Variants in RBMS3 observed in about 807,000 individuals in gnomAD.
RBMS3 encodes the protein RNA binding motif single stranded interacting protein 3.
Under a neutral mutation model 66.8 loss-of-function variants are expected in RBMS3, and 27 were observed. That is an observed-to-expected ratio of 0.40 (90% CI 0.30 to 0.56). The LOEUF is 0.56. Ranked by LOEUF, RBMS3 falls within the 20% of genes least tolerant of loss-of-function variation. The probability of loss-of-function intolerance (pLI) is 0.40; values close to 1 mark genes in which losing one functional copy is unlikely to be tolerated. For missense variants in RBMS3, 513 were observed against 549.5 expected, an observed-to-expected ratio of 0.93 and a Z score of 0.66; for synonymous variants, 188 against 183.0, an observed-to-expected ratio of 1.03 and a Z score of -0.22.
At position 29,868,871 on chromosome 3, in the gene RBMS3, T is replaced by A. The variant is rs1322367916; in HGVS notation, c.651T>A (p.Pro217=). 8 of 1,598,976 alleles carry A rather than the reference T, an allele frequency of 5.0e-6. No homozygotes were observed. In the South Asian group the frequency reaches 7.9e-5, roughly 16 times the overall value. ...TTATCTTCCCAGCCCCCAGTGAGCC[T>A]TTGCTGTGCAAATTCGCTGATGGAG... The part of the protein sequence containing the change: ...TPPGIPAPSE[P]LLCKFADGGQ... The change falls in exon 7 of 15, where the codon CCT becomes CCA. Residue 217 remains proline (P), a synonymous_variant. Transcript: ENST00000383767.
chr3:29,839,958 A>G (rs549352895), intron 6 of RBMS3, among the ~76,000 whole-genome samples: 5 of 152,178 alleles, frequency 3.3e-5, no homozygotes, highest in South Asian at 4.1e-4. Flanking sequence ...CCAGTTACCT[A>G]TCACTATTGA....
At chr3:29,442,434 T>C (rs567646909) in intron 2 of RBMS3, among the ~76,000 whole-genome samples, 2 of 152,226 alleles carry the variant, frequency 1.3e-5, no homozygotes, top group Non-Finnish European at 2.9e-5. Flanking sequence ...GCCGATGATA[T>C]TTTTCCATAT....
In RBMS3 at chr3:29,988,131, G is replaced by C; in HGVS notation, c.1099-12G>C. ...TCAAAGTTCACATGCATTTTTCTTT[G>C]ATTCTCTCTAGTATATGACTGCTGC... On this transcript the variant is annotated splice_polypyrimidine_tract_variant and intron_variant, in intron 12 of 14. Coordinates refer to ENST00000383767, the MANE Select transcript of RBMS3 (RefSeq NM_001003793.3). 6.2e-7 allele frequency: 1 copy of C among 1,602,600 alleles called. No individual in the cohort carries two copies. Among genetic ancestry groups the C allele is most frequent in the Non-Finnish European group, 8.5e-7 (1 of 1,170,038 alleles).
At chr3:29,993,231 C>T (rs1285083826) in intron 14 of RBMS3, among the ~76,000 whole-genome samples, 1 of 152,132 alleles carries the variant, frequency 6.6e-6, no homozygotes, top group Non-Finnish European at 1.5e-5. Flanking sequence ...TTGACATAGC[C>T]TGTGTGAATC....
intron 2 of RBMS3, among the ~76,000 whole-genome samples, chr3:29,455,368 A>T (rs935721276): frequency 6.6e-6 from 1 of 152,198 alleles, no homozygotes; most frequent in Admixed American, 6.5e-5. Flanking sequence ...AGTACATTTA[A>T]AGTTTGAAAT....
At chr3:29,286,314 C>A (rs967143383) in intron 1 of RBMS3, among the ~76,000 whole-genome samples, 1 of 151,500 alleles carries the variant, frequency 6.6e-6, no homozygotes, top group African/African-American at 2.4e-5. Flanking sequence ...TTTCTTAACT[C>A]CCCCAAGCCT....
At chr3:29,832,937 C>T (rs986277114) in intron 6 of RBMS3, among the ~76,000 whole-genome samples, 1 of 152,198 alleles carries the variant, frequency 6.6e-6, no homozygotes, top group East Asian at 1.9e-4. Context: ...ACTCAGACAC[C>T]AAGCATGACT....
chr3:29,703,443 C>A (rs2052724823), intron 4 of RBMS3, among the ~76,000 whole-genome samples: 1 of 152,128 alleles, frequency 6.6e-6, no homozygotes, highest in African/African-American at 2.4e-5. Context: ...TTAATGAATG[C>A]TATTTAAGGA....
intron 6 of RBMS3, among the ~76,000 whole-genome samples, chr3:29,809,858 G>T (rs1323659111): frequency 6.6e-6 from 1 of 151,868 alleles, no homozygotes; most frequent in African/African-American, 2.4e-5. Flanking sequence ...TTAGAGGAAG[G>T]AAAAAAATCA....
intron 1 of RBMS3, among the ~76,000 whole-genome samples, chr3:29,306,046 C>G (rs916847427): frequency 4.6e-5 from 7 of 151,934 alleles, no homozygotes; most frequent in African/African-American, 1.7e-4. Context: ...CACTCCCATG[C>G]CCATCTGTTG....
intron 3 of RBMS3, among the ~76,000 whole-genome samples, chr3:29,569,583 C>A (rs1047537236): frequency 2.0e-5 from 3 of 151,928 alleles, no homozygotes; most frequent in African/African-American, 7.3e-5. Flanking sequence ...GAGATGGATC[C>A]AACTTAATTA....
intron 1 of RBMS3, among the ~76,000 whole-genome samples, chr3:29,432,258 G>C (rs745821491): frequency 6.6e-6 from 1 of 152,184 alleles, no homozygotes; most frequent in African/African-American, 2.4e-5. Context: ...CTAACACCAA[G>C]TTTTCTAGCA....
At chr3:29,356,592 T>C (rs1287252764) in intron 1 of RBMS3, among the ~76,000 whole-genome samples, 2 of 152,310 alleles carry the variant, frequency 1.3e-5, no homozygotes, top group South Asian at 2.1e-4. Flanking sequence ...AATGTGCATA[T>C]GAAAATAGCA....
chr3:29,830,179 C>T (rs1252604337), intron 6 of RBMS3, among the ~76,000 whole-genome samples: 4 of 151,760 alleles, frequency 2.6e-5, no homozygotes, highest in Non-Finnish European at 5.9e-5. Context: ...TGCCTTGAGA[C>T]ATTTTTGATA....
chr3:29,451,878 C>A (rs1312657903), intron 2 of RBMS3, among the ~76,000 whole-genome samples: 3 of 152,154 alleles, frequency 2.0e-5, no homozygotes. Flanking sequence ...CTGTGTGAAT[C>A]GTGTGAACAA....
intron 4 of RBMS3, among the ~76,000 whole-genome samples, chr3:29,686,721 A>G (rs1291622864): frequency 6.6e-6 from 1 of 152,236 alleles, no homozygotes; most frequent in Non-Finnish European, 1.5e-5. Context: ...TAGGAAATTA[A>G]TTAAATATAA....
chr3:29,422,197 C>G (rs116466431), intron 1 of RBMS3, among the ~76,000 whole-genome samples: 3,066 of 152,174 alleles, frequency 0.02, 105 homozygotes, highest in African/African-American at 0.069. Flanking sequence ...TCCTTAGACA[C>G]TATACAATGA....
At chr3:29,558,172 C>T (rs35881) in intron 3 of RBMS3, among the ~76,000 whole-genome samples, 53,252 of 151,852 alleles carry the variant, frequency 0.35, 9,806 homozygotes, top group Middle Eastern at 0.52. Context: ...CATCCCATAA[C>T]GGCACATAGA....
intron 4 of RBMS3, among the ~76,000 whole-genome samples, chr3:29,713,834 C>T (rs1000344720): frequency 1.3e-5 from 2 of 152,056 alleles, no homozygotes; most frequent in East Asian, 1.9e-4. Flanking sequence ...GTGGGTAGAT[C>T]ACTTAAGTTT....
Sources: gnomAD v4.1 joint callset for allele counts (sites outside exome capture counted in the v4.1 genomes callset) on GRCh38, gnomAD v4.1.1 for gene constraint, MANE v1.5 for transcripts, NCBI Gene and HGNC (gene_info 2026-07-23, HGNC 2026-07-21) for gene names.